Variants in ZDHHC15 observed in about 807,000 individuals in gnomAD.
ZDHHC15 encodes palmitoyltransferase ZDHHC15.
In ZDHHC15, 19 loss-of-function variants were observed where a neutral mutation model predicts 31.7. That is an observed-to-expected ratio of 0.60 (90% CI 0.42 to 0.88). The LOEUF (loss-of-function observed/expected upper bound fraction) is 0.88. Ranked by LOEUF, ZDHHC15 falls within the 40% of genes least tolerant of loss-of-function variation. ZDHHC15 has a pLI of 0.00. For synonymous variants in ZDHHC15, 103 were observed against 90.0 expected (o/e 1.14, Z -0.82); for missense variants, 209 against 251.2 (o/e 0.83, Z 1.14).
At chrX:75,393,196 T>C (rs1569308167) in intron 10 of ZDHHC15, among the ~76,000 whole-genome samples, 2 of 111,413 alleles carry the variant, frequency 1.8e-5, no homozygotes, top group Non-Finnish European at 3.8e-5. Context: ...TCTTAGCCTG[T>C]TGACTTAAAG....
intron 2 of ZDHHC15, among the ~76,000 whole-genome samples, chrX:75,482,997 ATG>A (rs1234485207): frequency 1.1e-5 from 1 of 90,684 alleles, no homozygotes; most frequent in East Asian, 1.5e-3. Context: ...ATGTGTGTGT[ATG>A]TGTATATATA....
At chrX:75,411,337 C>T (rs781539823) in intron 10 of ZDHHC15, among the ~76,000 whole-genome samples, 1 of 110,862 alleles carries the variant, frequency 9.0e-6, no homozygotes, top group South Asian at 3.9e-4. Context: ...CTCAGCCTCC[C>T]GAGTAGCTGA....
At chrX:75,470,781 AG>A (rs1469752662) in intron 3 of ZDHHC15, among the ~76,000 whole-genome samples, 5 of 111,974 alleles carry the variant, frequency 4.5e-5, no homozygotes, top group Admixed American at 9.5e-5. Flanking sequence ...CATACTTAGC[AG>A]CTGGCAGAAT....
chrX:75,386,073 G>A (rs1298061953), intron 10 of ZDHHC15, among the ~76,000 whole-genome samples: 1 of 111,626 alleles, frequency 9.0e-6, no homozygotes, highest in Non-Finnish European at 1.9e-5. Flanking sequence ...ATTTGTCATG[G>A]CAGCATAAAG....
chrX:75,481,980 C>T (rs1483290174), intron 2 of ZDHHC15, among the ~76,000 whole-genome samples: 1 of 111,975 alleles, frequency 8.9e-6, no homozygotes, highest in Admixed American at 9.5e-5. Context: ...CAAACTCTAA[C>T]AAAAAGCTAG....
intron 3 of ZDHHC15, among the ~76,000 whole-genome samples, chrX:75,470,111 A>G (rs770857406): frequency 3.6e-5 from 4 of 111,528 alleles, no homozygotes; most frequent in African/African-American, 6.5e-5. Flanking sequence ...GGAGATTAAC[A>G]TTTGACTCAG....
chrX:75,427,672 A>C (rs1156454982), intron 7 of ZDHHC15, among the ~76,000 whole-genome samples: 1 of 111,008 alleles, frequency 9.0e-6, no homozygotes, highest in Admixed American at 9.6e-5. Context: ...ATATATTTTA[A>C]AATTATTGTA....
intron 3 of ZDHHC15, among the ~76,000 whole-genome samples, chrX:75,454,678 C>T (rs980911825): frequency 8.1e-5 from 9 of 111,387 alleles, no homozygotes; most frequent in Admixed American, 2.9e-4. Flanking sequence ...GACAAGTTAA[C>T]GGGTGGAGCA....
chrX:75,475,495 G>A (rs1349617515), intron 3 of ZDHHC15, among the ~76,000 whole-genome samples: 2 of 112,114 alleles, frequency 1.8e-5, no homozygotes, highest in Non-Finnish European at 3.8e-5. Context: ...CCATTAGAAT[G>A]CTTTTAGCAT....
intron 3 of ZDHHC15, among the ~76,000 whole-genome samples, chrX:75,471,791 A>C (rs1159692715): frequency 8.9e-6 from 1 of 111,907 alleles, no homozygotes; most frequent in Non-Finnish European, 1.9e-5. Flanking sequence ...TTGAGTTGTC[A>C]GTGGCAGATA....
chrX:75,410,993 G>C (rs1189920024), intron 10 of ZDHHC15, among the ~76,000 whole-genome samples: 1 of 111,804 alleles, frequency 8.9e-6, no homozygotes, highest in Non-Finnish European at 1.9e-5. Flanking sequence ...AGCACACAAA[G>C]ACAAATATTG....
At chrX:75,483,885 G>A (rs959247763) in intron 2 of ZDHHC15, among the ~76,000 whole-genome samples, 5 of 111,226 alleles carry the variant, frequency 4.5e-5, no homozygotes, top group South Asian at 3.8e-4. Context: ...TGGTGGGTAC[G>A]GATTTGTAAG....
intron 4 of ZDHHC15, among the ~76,000 whole-genome samples, chrX:75,446,892 C>A (rs1434896375): frequency 9.0e-6 from 1 of 111,562 alleles, no homozygotes; most frequent in African/African-American, 3.3e-5. Context: ...GACAGGATTT[C>A]AATATATAAA....
At chrX:75,474,156 A>G (rs746870955) in intron 3 of ZDHHC15, among the ~76,000 whole-genome samples, 11 of 110,594 alleles carry the variant, frequency 9.9e-5, no homozygotes, top group Non-Finnish European at 1.7e-4. Flanking sequence ...GATTTGAGTC[A>G]GTAGGCTTGG....
chrX:75,494,721 G>C (rs1210306772), intron 2 of ZDHHC15, among the ~76,000 whole-genome samples: 1 of 112,240 alleles, frequency 8.9e-6, no homozygotes, highest in Admixed American at 9.4e-5. Flanking sequence ...GGGAAAACTG[G>C]CTAGCCAGAT....
chrX:75,518,141 T>C (rs1170117617), intron 1 of ZDHHC15, among the ~76,000 whole-genome samples: 4 of 111,264 alleles, frequency 3.6e-5, no homozygotes, highest in African/African-American at 1.3e-4. Context: ...AATAGATAAA[T>C]TGAATTTTAT....
intron 10 of ZDHHC15, among the ~76,000 whole-genome samples, chrX:75,382,429 T>G (rs1420665733): frequency 4.5e-5 from 5 of 111,900 alleles, no homozygotes; most frequent in African/African-American, 1.6e-4. Flanking sequence ...AAAAGTTACT[T>G]GGAAAATGTC....
chrX:75,421,861 C>T lies in ZDHHC15; in HGVS notation c.863+3G>A. The T allele has an allele frequency of 2.5e-6, 3 of 1,207,707 alleles. No individual in the cohort carries two copies. The highest frequency in any genetic ancestry group is 2.2e-6 in the Non-Finnish European group (2 of 893,797). On this transcript the variant is annotated splice_donor_region_variant and intron_variant, in intron 9 of 11. Transcript: ENST00000373367. ...ACTTCTTCCAGTGGTAATATTTACT[C>T]ACCTGGAACCAATAGGTATTAACCA...
intron 10 of ZDHHC15, among the ~76,000 whole-genome samples, chrX:75,414,674 G>A (rs1351647176): frequency 2.9e-5 from 3 of 102,311 alleles, no homozygotes; most frequent in Admixed American, 1.1e-4. Flanking sequence ...TCCTGACCTC[G>A]TGATCTGCCT....
Sources: gnomAD v4.1 joint callset for allele counts (sites outside exome capture counted in the v4.1 genomes callset) on GRCh38, gnomAD v4.1.1 for gene constraint, MANE v1.5 for transcripts, NCBI Gene and HGNC (gene_info 2026-07-23, HGNC 2026-07-21) for gene names.